Variants in CD2AP observed in about 807,000 individuals in gnomAD.
CD2AP encodes the protein CD2-associated protein.
CD2AP carries 46 observed loss-of-function variants against 85.1 expected under a neutral mutation model. That is an observed-to-expected ratio of 0.54 (90% CI 0.43 to 0.69). The LOEUF (loss-of-function observed/expected upper bound fraction) is 0.69. Ranked by LOEUF, CD2AP falls within the 30% of genes least tolerant of loss-of-function variation. The pLI is 0.00. For missense variants in CD2AP, 769 were observed against 729.5 expected, an observed-to-expected ratio of 1.05 and a Z score of -0.62; for synonymous variants, 255 against 252.9, an observed-to-expected ratio of 1.01 and a Z score of -0.08.
chr6:47,580,491 G>T (rs967616066), intron 9 of CD2AP, among the ~76,000 whole-genome samples: 4 of 151,352 alleles, frequency 2.6e-5, no homozygotes, highest in South Asian at 2.1e-4. Context: ...TCTCTCCCTT[G>T]TTCTGCCAGT....
intron 4 of CD2AP, among the ~76,000 whole-genome samples, chr6:47,548,613 G>C (rs1302170532): frequency 6.6e-6 from 1 of 152,082 alleles, no homozygotes; most frequent in African/African-American, 2.4e-5. Flanking sequence ...ATTCACACCA[G>C]AATTCTACCA....
At chr6:47,555,964 T>G (rs1409582633) in intron 5 of CD2AP, among the ~76,000 whole-genome samples, 1 of 152,042 alleles carries the variant, frequency 6.6e-6, no homozygotes, top group African/African-American at 2.4e-5. Flanking sequence ...AATTTTGAAA[T>G]TAAGTAGGAA....
At chr6:47,513,288 C>T (rs1766367045) in intron 2 of CD2AP, among the ~76,000 whole-genome samples, 1 of 152,078 alleles carries the variant, frequency 6.6e-6, no homozygotes, top group South Asian at 2.1e-4. Flanking sequence ...ACCAACATTC[C>T]CACTTAATTG....
chr6:47,556,336 A>C (rs971747095), intron 5 of CD2AP, among the ~76,000 whole-genome samples: 14 of 150,538 alleles, frequency 9.3e-5, no homozygotes, highest in Admixed American at 4.7e-4. Flanking sequence ...TCTGTTCATG[A>C]GAATGATGGT....
chr6:47,511,927 G>A (rs796230087), intron 2 of CD2AP, among the ~76,000 whole-genome samples: 14 of 152,234 alleles, frequency 9.2e-5, no homozygotes, highest in African/African-American at 3.4e-4. Context: ...GGGAGGCCGA[G>A]GTGGGCGGAT....
chr6:47,499,684 G>A (rs1219244908), intron 1 of CD2AP, among the ~76,000 whole-genome samples: 1 of 152,116 alleles, frequency 6.6e-6, no homozygotes, highest in Non-Finnish European at 1.5e-5. Flanking sequence ...AATAATAAAT[G>A]AATAAAAAGC....
intron 11 of CD2AP, among the ~76,000 whole-genome samples, chr6:47,585,798 C>A (rs998227727): frequency 1.3e-5 from 2 of 152,168 alleles, no homozygotes; most frequent in Non-Finnish European, 2.9e-5. Flanking sequence ...TTGTAACTCA[C>A]AAACAGTTCA....
chr6:47,506,567 A>T (rs1160254566), intron 2 of CD2AP, among the ~76,000 whole-genome samples: 2 of 100,440 alleles, frequency 2.0e-5, no homozygotes, highest in East Asian at 4.6e-4. Context: ...CGGGAGGCCG[A>T]GGTTGGCGGA....
At chr6:47,599,873 G>A (rs1769077941) in intron 13 of CD2AP, among the ~76,000 whole-genome samples, 2 of 151,878 alleles carry the variant, frequency 1.3e-5, no homozygotes, top group African/African-American at 4.8e-5. Flanking sequence ...TTTATTTCCA[G>A]TGGAGGAAAA....
In CD2AP at chr6:47,609,217, A is replaced by T. The variant is rs750459384; in HGVS notation, c.1727A>T (p.Asp576Val). The T allele has an allele frequency of 6.2e-7, 1 of 1,613,334 alleles. No individual in the cohort carries two copies. Among genetic ancestry groups the T allele is most frequent in the Admixed American group, 1.7e-5 (1 of 60,008 alleles). ...PLEIKAKVET[D>V]DVKKNSLDEL... ...GAAATCAAAGCTAAAGTGGAAACAGATGATGTGAAAAAAAATTCCCTGGAT... is the reference window on the plus strand; with the variant it reads ...GAAATCAAAGCTAAAGTGGAAACAGTTGATGTGAAAAAAAATTCCCTGGAT... The change falls in exon 16 of 18, where the codon GAT becomes GTT. Residue 576 changes from aspartate to valine, a missense_variant. Physicochemically the swap from Asp to Val is radical, Grantham distance 152. Transcript: ENST00000359314.
chr6:47,611,381 G>C (rs112870661), intron 16 of CD2AP, among the ~76,000 whole-genome samples: 1 of 92,036 alleles, frequency 1.1e-5, no homozygotes, highest in African/African-American at 3.4e-5. Flanking sequence ...CTATGGAAGA[G>C]GGGGGGAATA....
rs1381491970 is a variant in CD2AP, at chr6:47,607,965, A to T, written c.1569A>T (p.Lys523Asn). ...CCGAAAAAATCTTGAAGTTACCAAA[A>T]GAAGAAGACAGTGCCAACCTGAAGC... is the stretch of plus-strand genomic sequence containing the variant. ...HSPEKILKLP[K>N]EEDSANLKPS... Residue 523 changes from lysine (K) to asparagine (N), a missense_variant, in exon 15 of 18, where the codon AAA (lysine) becomes AAT (asparagine). Lys to Asn is a moderately conservative substitution (Grantham distance 94, BLOSUM62 0). Transcript: ENST00000359314. 1 of 1,611,792 alleles carries T rather than the reference A, an allele frequency of 6.2e-7. No individual in the cohort carries two copies. The highest frequency in any genetic ancestry group is 8.5e-7 in the Non-Finnish European group (1 of 1,178,164).
chr6:47,566,833 A>G (rs1332656121), intron 5 of CD2AP, among the ~76,000 whole-genome samples: 2 of 152,156 alleles, frequency 1.3e-5, no homozygotes, highest in Non-Finnish European at 2.9e-5. Context: ...CATAGTGTAT[A>G]TGTACCACAT....
chr6:47,549,882 A>G (rs1460976773), intron 4 of CD2AP, among the ~76,000 whole-genome samples: 1 of 152,204 alleles, frequency 6.6e-6, no homozygotes, highest in African/African-American at 2.4e-5. Context: ...ATGGAACAGA[A>G]TAGAGAACCC....
chr6:47,617,115 C>G (rs1267004366), intron 17 of CD2AP, among the ~76,000 whole-genome samples: 2 of 152,120 alleles, frequency 1.3e-5, no homozygotes, highest in Non-Finnish European at 2.9e-5. Flanking sequence ...CAGGCATGCA[C>G]TTTCATGCCT....
At chr6:47,478,613 C>T (rs1276654851) in intron 1 of CD2AP, among the ~76,000 whole-genome samples, 1 of 152,152 alleles carries the variant, frequency 6.6e-6, no homozygotes, top group Non-Finnish European at 1.5e-5. Context: ...TCCCCCTCCT[C>T]GTGGGATGGG....
chr6:47,509,070 T>G (rs1311219708), intron 2 of CD2AP, among the ~76,000 whole-genome samples: 3 of 152,198 alleles, frequency 2.0e-5, no homozygotes, highest in African/African-American at 4.8e-5. Flanking sequence ...TCCTTTCACT[T>G]GAATACTAGA....
At chr6:47,488,723 CAAA>C (rs57570487) in intron 1 of CD2AP, among the ~76,000 whole-genome samples, 3 of 133,746 alleles carry the variant, frequency 2.2e-5, no homozygotes, top group Admixed American at 1.5e-4. Flanking sequence ...TCCATCTCTC[CAAA>C]AAAAAAAAAA....
chr6:47,552,212 T>C (rs1467041178), intron 4 of CD2AP, among the ~76,000 whole-genome samples: 2 of 152,130 alleles, frequency 1.3e-5, no homozygotes, highest in Non-Finnish European at 1.5e-5. Context: ...ATACATTCTT[T>C]AGTGGTGATT....
Sources: allele counts gnomAD v4.1 joint callset (sites outside exome capture counted in the v4.1 genomes callset), GRCh38; gene constraint gnomAD v4.1.1; transcripts MANE v1.5; gene names NCBI Gene and HGNC (gene_info 2026-07-23, HGNC 2026-07-21).